Variants in DSCAML1 observed in about 807,000 individuals in gnomAD.
DSCAML1 encodes the protein cell adhesion molecule DSCAML1.
A neutral mutation model predicts 200.5 loss-of-function variants in DSCAML1; 38 were observed. That is an observed-to-expected ratio of 0.19 (90% CI 0.15 to 0.25). DSCAML1 has a LOEUF of 0.25. DSCAML1 is among the 10% of genes least tolerant of loss of function. The pLI, the probability that DSCAML1 is intolerant of heterozygous loss-of-function variation, is 1.00. For missense variants in DSCAML1, 2,223 were observed against 2,858.8 expected (o/e 0.78, Z 5.07); for synonymous variants, 1,215 against 1,165.0 (o/e 1.04, Z -0.87).
intron 3 of DSCAML1, among the ~76,000 whole-genome samples, chr11:117,746,272 T>A (rs1411521360): frequency 7.2e-6 from 1 of 137,990 alleles, no homozygotes; most frequent in African/African-American, 2.7e-5. Flanking sequence ...GCTATATAAG[T>A]GAATTTTTAT....
rs144815878 is a variant in DSCAML1, at chr11:117,431,643, G to A, written c.5265C>T (p.Ala1755=). The A allele has an allele frequency of 6.4e-5, 103 of 1,613,312 alleles. No individual in the cohort carries two copies. The highest frequency in any genetic ancestry group is 8.3e-5 in the Non-Finnish European group (98 of 1,179,562). The change falls in exon 31 of 33, where the codon GCC becomes GCT. Residue 1755 remains alanine (A), a synonymous_variant. Coordinates refer to ENST00000651296, the MANE Select transcript of DSCAML1 (RefSeq NM_020693.4). The stretch of plus-strand genomic sequence containing the variant: ...AGGTGAGGGTGCGGGCAGGTGTGGA[G>A]GCCTGGCACTTGGTCAGGGTCCACT... ...SSQWTLTKCQ[A]STPARTLTSD... is the part of the protein sequence containing the mutation.
chr11:117,532,556 C>T (rs2050102472), intron 3 of DSCAML1, 34 bp from the exon 4 acceptor site: 4 of 1,599,978 alleles, frequency 2.5e-6, no homozygotes, highest in Non-Finnish European at 2.6e-6. Context: ...TTCGTTACTT[C>T]CCGGTTTCGT....
chr11:117,706,104 C>T (rs1035239327), intron 3 of DSCAML1, among the ~76,000 whole-genome samples: 3 of 152,092 alleles, frequency 2.0e-5, no homozygotes, highest in African/African-American at 7.2e-5. Flanking sequence ...ATAAAGGGCC[C>T]TCAATTCACC....
chr11:117,446,105 T>G (rs1372039472), intron 20 of DSCAML1, among the ~76,000 whole-genome samples: 1 of 152,244 alleles, frequency 6.6e-6, no homozygotes, highest in Non-Finnish European at 1.5e-5. Context: ...GGCTCACATC[T>G]GTAATCCCAG....
intron 11 of DSCAML1, among the ~76,000 whole-genome samples, chr11:117,496,228 T>C (rs1283734502): frequency 1.3e-5 from 2 of 152,220 alleles, no homozygotes; most frequent in African/African-American, 4.8e-5. Flanking sequence ...CTAACGAGTC[T>C]GTATGTTCCT....
At chr11:117,741,766 C>T (rs1238453747) in intron 3 of DSCAML1, among the ~76,000 whole-genome samples, 1 of 152,206 alleles carries the variant, frequency 6.6e-6, no homozygotes, top group Non-Finnish European at 1.5e-5. Flanking sequence ...TGGTTCTGGG[C>T]CTCTGCCACT....
rs2049478766 is a variant in DSCAML1 at position 117,505,527 on chromosome 11, G to A, written c.1989C>T (p.His663=). The A allele has an allele frequency of 6.2e-7, 1 of 1,613,474 alleles. No homozygotes were observed. Among genetic ancestry groups the A allele is most frequent in the East Asian group, 2.2e-5 (1 of 44,854 alleles). ...TGGCGATGCATGTATAGTTGCCGTTGTGCTTGAGGGAGACGCTAGAGATCT... is the reference window on the plus strand; with the variant it reads ...TGGCGATGCATGTATAGTTGCCGTTATGCTTGAGGGAGACGCTAGAGATCT... The part of the protein sequence containing the change: ...SLQISSVSLK[H]NGNYTCIASN... Residue 663 remains histidine, a synonymous_variant, in exon 9 of 33, where the codon CAC becomes CAT. Coordinates refer to ENST00000651296, the MANE Select transcript of DSCAML1 (RefSeq NM_020693.4). The surrounding 1 kb of genome is among the most constrained non-coding windows in gnomAD (Gnocchi z 6.7).
In DSCAML1 at chr11:117,450,698, G is replaced by C. The variant is rs1456139998; in HGVS notation, c.3569-10C>G. 6.2e-7 allele frequency: 1 copy of C among 1,613,068 alleles called. No homozygotes were observed. The highest frequency in any genetic ancestry group is 1.7e-5 in the Admixed American group (1 of 59,898). Reference sequence around the variant, plus strand: ...GCAGGGGGACCTGGAACTGAGCAGGGAGAAGGCCTGGTCAGTTGAGAGAAA... The same window carrying C: ...GCAGGGGGACCTGGAACTGAGCAGGCAGAAGGCCTGGTCAGTTGAGAGAAA... On this transcript the variant is annotated splice_polypyrimidine_tract_variant and intron_variant, in intron 19 of 32. Coordinates refer to ENST00000651296, the MANE Select transcript of DSCAML1 (RefSeq NM_020693.4).
At chr11:117,530,625 G>A (rs995384832) in intron 4 of DSCAML1, among the ~76,000 whole-genome samples, 1 of 152,238 alleles carries the variant, frequency 6.6e-6, no homozygotes, top group African/African-American at 2.4e-5. Flanking sequence ...GGGGTGAATC[G>A]GGAGCCGGGT....
chr11:117,643,447 C>T (rs982318877), intron 3 of DSCAML1, among the ~76,000 whole-genome samples: 3 of 152,192 alleles, frequency 2.0e-5, no homozygotes, highest in African/African-American at 7.2e-5. Flanking sequence ...CACAACCCCT[C>T]CCTGTGAGGC....
At chr11:117,431,804 A>T in intron 30 of DSCAML1, 76 bp from the exon 31 acceptor site, 4 of 1,403,376 alleles carry the variant, frequency 2.9e-6, no homozygotes, top group Non-Finnish European at 3.8e-6. Context: ...CTTACCAGAA[A>T]GGGCAGGGGG....
intron 11 of DSCAML1, among the ~76,000 whole-genome samples, chr11:117,483,695 G>A (rs958813728): frequency 3.3e-5 from 5 of 152,344 alleles, no homozygotes; most frequent in South Asian, 2.1e-4. Flanking sequence ...CTTGAGCCAA[G>A]GCTCCAAGGC....
chr11:117,651,533 GTC>G (rs1235910015), intron 3 of DSCAML1, among the ~76,000 whole-genome samples: 1 of 151,248 alleles, frequency 6.6e-6, no homozygotes, highest in Non-Finnish European at 1.5e-5. Flanking sequence ...GTGAAATCCT[GTC>G]TCTACTAAAA....
chr11:117,462,490 G>A lies in DSCAML1; in HGVS notation c.3266-894C>T, dbSNP rs908966434. On this transcript the variant is annotated intron_variant, in intron 17 of 32. Coordinates refer to ENST00000651296, the MANE Select transcript of DSCAML1 (RefSeq NM_020693.4). ...CAAAGCGCAAGACGGAGTCTGCTTC[G>A]CTCCGAGTGGAAGAAAGGATGCACA... Among the ~76,000 whole-genome samples the A allele has an allele frequency of 9.8e-5, 15 of 152,344 alleles. 1 individual carries two copies. In the Middle Eastern group the frequency reaches 0.01, roughly 104 times the overall value.
chr11:117,626,396 C>T (rs2052048220), intron 3 of DSCAML1, among the ~76,000 whole-genome samples: 1 of 152,196 alleles, frequency 6.6e-6, no homozygotes, highest in South Asian at 2.1e-4. Context: ...TTTCATGCTG[C>T]TGCCTGATTG....
intron 3 of DSCAML1, among the ~76,000 whole-genome samples, chr11:117,700,953 C>T (rs947995871): frequency 3.3e-5 from 5 of 152,212 alleles, no homozygotes; most frequent in Non-Finnish European, 5.9e-5. Flanking sequence ...CTTTGCTTTA[C>T]TTTCTCTTAT....
At chr11:117,443,059 T>C (rs771022272) in intron 21 of DSCAML1, among the ~76,000 whole-genome samples, 13 of 152,130 alleles carry the variant, frequency 8.5e-5, no homozygotes, top group Non-Finnish European at 1.5e-4. Flanking sequence ...GTGGCCCCGG[T>C]AGGCTGGCCA....
intron 1 of DSCAML1, among the ~76,000 whole-genome samples, chr11:117,792,923 C>T (rs1374414435): frequency 6.6e-6 from 1 of 152,202 alleles, no homozygotes; most frequent in Non-Finnish European, 1.5e-5. Flanking sequence ...AGCTCTGGGG[C>T]TGCCTTGCCA....
intron 11 of DSCAML1, among the ~76,000 whole-genome samples, chr11:117,495,480 G>A (rs1029577265): frequency 2.2e-4 from 33 of 152,158 alleles, no homozygotes; most frequent in Non-Finnish European, 4.3e-4. Flanking sequence ...GCTTCTAGGC[G>A]AATCTGCACT....
Sources: gnomAD v4.1 joint callset for allele counts (sites outside exome capture counted in the v4.1 genomes callset) on GRCh38, gnomAD v4.1.1 for gene constraint, Gnocchi (gnomAD v3.1) non-coding constraint, MANE v1.5 for transcripts, NCBI Gene and HGNC (gene_info 2026-07-23, HGNC 2026-07-21) for gene names.